Variants in SLC25A12 observed in about 807,000 individuals in gnomAD.
SLC25A12 encodes the protein solute carrier family 25 member 12.
In SLC25A12, 32 loss-of-function variants were observed where a neutral mutation model predicts 83.3. The ratio of observed to expected loss-of-function variants is 0.38; its 90% CI spans 0.29 to 0.52. The LOEUF is 0.52. Among genes scored for constraint, SLC25A12 ranks in the 20% least tolerant of loss-of-function variants. SLC25A12 has a pLI of 0.84. For missense variants in SLC25A12, 611 were observed against 835.6 expected, an observed-to-expected ratio of 0.73 and a Z score of 3.31; for synonymous variants, 267 against 291.1, an observed-to-expected ratio of 0.92 and a Z score of 0.84.
chr2:171,789,459 A>G (rs1263861711), intron 15 of SLC25A12, among the ~76,000 whole-genome samples: 1 of 151,960 alleles, frequency 6.6e-6, no homozygotes, highest in Non-Finnish European at 1.5e-5. Context: ...CGATCTCCTG[A>G]CCTCGTGATC....
At chr2:171,890,485 G>C (rs1442361879) in intron 2 of SLC25A12, among the ~76,000 whole-genome samples, 8 of 151,886 alleles carry the variant, frequency 5.3e-5, no homozygotes, top group Admixed American at 5.3e-4. Flanking sequence ...GTCTGTGTGT[G>C]TGTGTGTGTG....
intron 3 of SLC25A12, among the ~76,000 whole-genome samples, chr2:171,867,062 A>G: frequency 6.8e-6 from 1 of 146,892 alleles, no homozygotes; most frequent in Admixed American, 6.7e-5. Flanking sequence ...CGCTCCCCAC[A>G]TCTCAGACGA....
At chr2:171,857,692 AT>A (rs991604616) in intron 3 of SLC25A12, among the ~76,000 whole-genome samples, 11 of 151,596 alleles carry the variant, frequency 7.3e-5, no homozygotes, top group African/African-American at 1.9e-4. Flanking sequence ...TTAAAAAAAA[AT>A]TTTTTTTAAA....
intron 9 of SLC25A12, among the ~76,000 whole-genome samples, chr2:171,816,100 C>G (rs760968565): frequency 1.8e-4 from 24 of 131,888 alleles, no homozygotes; most frequent in African/African-American, 4.8e-4. Flanking sequence ...GGGTTTCACT[C>G]TGATGCCTAG....
At chr2:171,853,554 G>A (rs1326890412) in intron 4 of SLC25A12, among the ~76,000 whole-genome samples, 1 of 152,134 alleles carries the variant, frequency 6.6e-6, no homozygotes, top group Non-Finnish European at 1.5e-5. Context: ...GGTGACAGGT[G>A]CCTGTAATCC....
chr2:171,880,938 A>G (rs1299529100), intron 2 of SLC25A12, among the ~76,000 whole-genome samples: 4 of 152,194 alleles, frequency 2.6e-5, no homozygotes, highest in Admixed American at 1.3e-4. Flanking sequence ...ATATCCTTGA[A>G]CAAGCTACTT....
intron 9 of SLC25A12, among the ~76,000 whole-genome samples, chr2:171,826,214 A>G (rs555938823): frequency 6.6e-6 from 1 of 152,354 alleles, no homozygotes; most frequent in African/African-American, 2.4e-5. Flanking sequence ...TGCTAATTCT[A>G]AGGGGAACGG....
chr2:171,811,088 C>T (rs1359372901), intron 11 of SLC25A12, among the ~76,000 whole-genome samples: 5 of 152,302 alleles, frequency 3.3e-5, no homozygotes, highest in Non-Finnish European at 7.4e-5. Flanking sequence ...TGTTAGCATA[C>T]TTTTTTGCAT....
At chr2:171,815,463 A>T (rs558343798) in intron 9 of SLC25A12, among the ~76,000 whole-genome samples, 1 of 152,298 alleles carries the variant, frequency 6.6e-6, no homozygotes, top group African/African-American at 2.4e-5. Context: ...ACTTACCCCA[A>T]TTTTTACAAG....
chr2:171,875,397 A>G (rs1685543037), intron 2 of SLC25A12, among the ~76,000 whole-genome samples: 1 of 152,166 alleles, frequency 6.6e-6, no homozygotes, highest in Non-Finnish European at 1.5e-5. Context: ...ACTCTGTTCA[A>G]AATGCCAAGA....
In SLC25A12 at chr2:171,784,411, C is replaced by G. The variant is rs1294992952; in HGVS notation, c.*863G>C. The G allele has an allele frequency of 6.6e-6, 1 of 152,192 alleles. No individual in the cohort carries two copies. The highest frequency in any genetic ancestry group is 2.4e-5 in the African/African-American group (1 of 41,430). 9.4% of individuals were successfully genotyped at this position (152,192 alleles called of 1,614,324 possible). On this transcript the variant is annotated 3_prime_UTR_variant, in exon 18 of 18. Transcript: ENST00000422440. ...TTTTATTTTTGACTGGAATCATATC[C>G]ATATGAAGGGAAATTGTGAAAGTAT...
At chr2:171,830,672 C>A (rs1684413556) in intron 8 of SLC25A12, among the ~76,000 whole-genome samples, 1 of 152,132 alleles carries the variant, frequency 6.6e-6, no homozygotes, top group Non-Finnish European at 1.5e-5. Flanking sequence ...CACCACCACA[C>A]CTGGCTAATT....
intron 6 of SLC25A12, among the ~76,000 whole-genome samples, chr2:171,836,183 C>G (rs1347861991): frequency 7.2e-6 from 1 of 138,212 alleles, no homozygotes; most frequent in Non-Finnish European, 1.7e-5. Context: ...GGAGGTGAAA[C>G]GTGTAGGAGA....
chr2:171,798,184 T>C (rs1158440792), intron 13 of SLC25A12, among the ~76,000 whole-genome samples: 1 of 152,238 alleles, frequency 6.6e-6, no homozygotes, highest in Non-Finnish European at 1.5e-5. Context: ...TTATATCATA[T>C]GAATTTTTTA....
chr2:171,824,948 C>T (rs1684270467), intron 9 of SLC25A12, among the ~76,000 whole-genome samples: 1 of 152,060 alleles, frequency 6.6e-6, no homozygotes, highest in South Asian at 2.1e-4. Flanking sequence ...GGACTACAGG[C>T]ACACGCCATC....
At chr2:171,802,622 A>T (rs915735941) in intron 13 of SLC25A12, among the ~76,000 whole-genome samples, 2 of 152,020 alleles carry the variant, frequency 1.3e-5, no homozygotes, top group South Asian at 2.1e-4. Context: ...TAAAAATACA[A>T]AAAATTAGCC....
At chr2:171,789,656 A>T (rs1015600888) in intron 15 of SLC25A12, among the ~76,000 whole-genome samples, 1 of 152,200 alleles carries the variant, frequency 6.6e-6, no homozygotes, top group African/African-American at 2.4e-5. Context: ...CTATACAACC[A>T]GTAATGAACC....
At chr2:171,880,939 C>A (rs2105927482) in intron 2 of SLC25A12, among the ~76,000 whole-genome samples, 1 of 152,288 alleles carries the variant, frequency 6.6e-6, no homozygotes, top group Non-Finnish European at 1.5e-5. Flanking sequence ...TATCCTTGAA[C>A]AAGCTACTTA....
At chr2:171,876,181 T>C (rs907155610) in intron 2 of SLC25A12, among the ~76,000 whole-genome samples, 1 of 152,176 alleles carries the variant, frequency 6.6e-6, no homozygotes, top group African/African-American at 2.4e-5. Flanking sequence ...CTGAGGTATT[T>C]TGCCAGTGTT....
Sources: gnomAD v4.1 joint callset for allele counts (sites outside exome capture counted in the v4.1 genomes callset) on GRCh38, gnomAD v4.1.1 for gene constraint, MANE v1.5 for transcripts, NCBI Gene and HGNC (gene_info 2026-07-23, HGNC 2026-07-21) for gene names.